The following DMD variants were observed in gnomAD, a reference collection of about 807,000 sequenced individuals.
DMD encodes the protein dystrophin, also known as mutant dystrophin.
In DMD, 63 loss-of-function variants were observed where a neutral mutation model predicts 330.1. The observed-to-expected ratio is 0.19, with a 90% confidence interval of 0.16 to 0.24. DMD has a LOEUF of 0.24. DMD is among the 10% of genes least tolerant of loss of function. DMD has a pLI of 1.00. For synonymous variants in DMD, 1,223 were observed against 959.8 expected, an observed-to-expected ratio of 1.27 and a Z score of -5.07; for missense variants, 3,344 against 2,684.1, an observed-to-expected ratio of 1.25 and a Z score of -5.43.
intron 1 of DMD, among the ~76,000 whole-genome samples, chrX:33,184,754 C>T (rs1377464437): frequency 7.2e-5 from 6 of 83,322 alleles, no homozygotes; most frequent in Admixed American, 1.7e-4. Context: ...GACAGAGTCT[C>T]GCTCTGTCGC....
At chrX:31,965,798 T>C (rs1481359990) in intron 45 of DMD, among the ~76,000 whole-genome samples, 1 of 111,970 alleles carries the variant, frequency 8.9e-6, no homozygotes, top group Non-Finnish European at 1.9e-5. Flanking sequence ...AGTTCTTCTG[T>C]TACATAATTG....
chrX:32,479,715 G>GTA (rs766901915), intron 21 of DMD, among the ~76,000 whole-genome samples: 154 of 108,327 alleles, frequency 1.4e-3, no homozygotes, highest in Admixed American at 4.9e-3. Context: ...ATATATATCA[G>GTA]TATATATATC....
chrX:32,474,105 C>T (rs1029151284), intron 21 of DMD, among the ~76,000 whole-genome samples: 4 of 110,964 alleles, frequency 3.6e-5, no homozygotes, highest in African/African-American at 1.3e-4. Flanking sequence ...TGAGTTACTT[C>T]ACTTAGAATA....
intron 44 of DMD, among the ~76,000 whole-genome samples, chrX:32,001,531 C>T (rs150529119): frequency 2.0e-4 from 22 of 110,529 alleles, no homozygotes; most frequent in East Asian, 1.4e-3. Flanking sequence ...GACCTCTCCC[C>T]TCCAATCTCA....
chrX:31,860,729 CCTT>C (rs1301191619), intron 48 of DMD, among the ~76,000 whole-genome samples: 2 of 112,423 alleles, frequency 1.8e-5, no homozygotes, highest in African/African-American at 6.5e-5. Context: ...AAGCCACAAA[CCTT>C]CTTTAGGTAA....
chrX:32,085,666 A>C (rs2096432157), intron 44 of DMD, among the ~76,000 whole-genome samples: 1 of 63,933 alleles, frequency 1.6e-5, no homozygotes, highest in African/African-American at 5.9e-5. Flanking sequence ...ATATATACGT[A>C]TATATACACA....
chrX:32,571,953 A>T (rs180947664), intron 15 of DMD, among the ~76,000 whole-genome samples: 8 of 111,943 alleles, frequency 7.1e-5, no homozygotes, highest in Admixed American at 2.9e-4. Context: ...CCTACCAAAA[A>T]GAATTACAAA....
chrX:33,173,241 G>C (rs181206246), intron 1 of DMD, among the ~76,000 whole-genome samples: 1 of 111,465 alleles, frequency 9.0e-6, no homozygotes, highest in East Asian at 2.8e-4. Context: ...GTCCATGTGT[G>C]TACATCATGA....
chrX:32,461,292 G>C (rs2098382506), intron 25 of DMD, among the ~76,000 whole-genome samples: 1 of 111,030 alleles, frequency 9.0e-6, no homozygotes, highest in African/African-American at 3.3e-5. Context: ...TTCACATATG[G>C]CTTCCTTGTT....
At chrX:33,083,664 G>C (rs947804360) in intron 1 of DMD, among the ~76,000 whole-genome samples, 2 of 111,691 alleles carry the variant, frequency 1.8e-5, no homozygotes, top group Admixed American at 9.5e-5. Flanking sequence ...AGGGACAGAA[G>C]GCCTTCCAAA....
intron 30 of DMD, among the ~76,000 whole-genome samples, chrX:32,404,658 A>G (rs967456531): frequency 9.0e-6 from 1 of 111,646 alleles, no homozygotes; most frequent in Non-Finnish European, 1.9e-5. Context: ...CATATCAAAG[A>G]TTCAAAACTA....
intron 2 of DMD, among the ~76,000 whole-genome samples, chrX:32,908,383 CA>C (rs777153707): frequency 2.8e-4 from 31 of 111,632 alleles, no homozygotes; most frequent in Non-Finnish European, 5.3e-4. Context: ...CTACAATTTC[CA>C]AAAAACACTG....
chrX:33,279,596 C>G (rs2053292204), intron 1 of DMD, among the ~76,000 whole-genome samples: 1 of 110,933 alleles, frequency 9.0e-6, no homozygotes, highest in Non-Finnish European at 1.9e-5. Context: ...ATTGCTGTGT[C>G]ATATGCTAAG....
intron 1 of DMD, among the ~76,000 whole-genome samples, chrX:33,291,473 T>C (rs1458900173): frequency 9.0e-6 from 1 of 111,577 alleles, no homozygotes; most frequent in African/African-American, 3.3e-5. Context: ...TGTTTGCAGA[T>C]GACATGGCTG....
chrX:31,981,086 G>A (rs2095472998), intron 44 of DMD, among the ~76,000 whole-genome samples: 1 of 111,588 alleles, frequency 9.0e-6, no homozygotes, highest in Admixed American at 9.5e-5. Flanking sequence ...GACTAATCAG[G>A]TTATACAGGA....
At chrX:31,389,836 G>A (rs1001264255) in intron 60 of DMD, among the ~76,000 whole-genome samples, 2 of 111,914 alleles carry the variant, frequency 1.8e-5, no homozygotes, top group Non-Finnish European at 3.8e-5. Flanking sequence ...TTATTCCCAT[G>A]TCCAACAGAA....
intron 74 of DMD, among the ~76,000 whole-genome samples, chrX:31,158,428 T>C (rs756492982): frequency 2.7e-5 from 3 of 111,915 alleles, no homozygotes; most frequent in African/African-American, 9.7e-5. Context: ...AGATCAGGGA[T>C]TGTCTACTGC....
In DMD at chrX:31,451,234, CTTTT is replaced by C. The variant is rs1352272672; in HGVS notation, c.8938-6611_8938-6608del. ...TCTTTTTTTCAAGAGACTTCTTTCTCTTTTTTCTTTCCTTCCTTCCTTCCTTCCT... is the reference window on the plus strand; with the variant it reads ...TCTTTTTTTCAAGAGACTTCTTTCTCTTCTTTCCTTCCTTCCTTCCTTCCT... On this transcript the variant is annotated intron_variant, in intron 59 of 78. Transcript: ENST00000357033. Among the ~76,000 whole-genome samples the C allele has an allele frequency of 5.7e-3, 430 of 75,934 alleles. 4 individuals are homozygous for C. The highest frequency in any genetic ancestry group is 0.022 in the African/African-American group (394 of 17,590). The allele number at this position is 75,934 out of a possible 115,157, so 65.9% of individuals were successfully genotyped here. A position where few individuals can be genotyped will look rare whatever the true frequency, so the allele number is the denominator to read the frequency against.
chrX:32,103,404 CATG>C (rs1478645643), intron 44 of DMD, among the ~76,000 whole-genome samples: 3 of 111,539 alleles, frequency 2.7e-5, no homozygotes, highest in African/African-American at 9.8e-5. Flanking sequence ...TCTTTCTTCA[CATG>C]ATGACTCTAT....
Sources: gnomAD v4.1 joint callset for allele counts (sites outside exome capture counted in the v4.1 genomes callset) on GRCh38, gnomAD v4.1.1 for gene constraint, MANE v1.5 for transcripts, NCBI Gene and HGNC (gene_info 2026-07-23, HGNC 2026-07-21) for gene names.